ALPK1: variants seen among roughly 807,000 people sequenced by gnomAD.
ALPK1 encodes alpha kinase 1, also known as alpha-protein kinase 1.
A neutral mutation model predicts 120.6 loss-of-function variants in ALPK1; 110 were observed. The observed-to-expected ratio is 0.91, with a 90% CI of 0.78 to 1.07. The LOEUF is 1.07. Among genes scored for constraint, ALPK1 ranks in the 50% least tolerant of loss-of-function variants. The probability of loss-of-function intolerance (pLI) is 0.00; values close to 1 mark genes in which losing one functional copy is unlikely to be tolerated. For missense variants in ALPK1, 1,498 were observed against 1,483.9 expected, an observed-to-expected ratio of 1.01 and a Z score of -0.16; for synonymous variants, 582 against 560.3, an observed-to-expected ratio of 1.04 and a Z score of -0.55.
intron 2 of ALPK1, among the ~76,000 whole-genome samples, chr4:112,338,245 C>T (rs1043168818): frequency 1.3e-5 from 2 of 152,176 alleles, no homozygotes; most frequent in African/African-American, 2.4e-5. Flanking sequence ...AGAATTCAGG[C>T]GTGAGCCACC....
chr4:112,331,532 T>C (rs1014883322), intron 2 of ALPK1, among the ~76,000 whole-genome samples: 2 of 152,210 alleles, frequency 1.3e-5, no homozygotes, highest in Non-Finnish European at 2.9e-5. Flanking sequence ...CCACTCAAAG[T>C]CTGTTTATTG....
chr4:112,299,836 T>C (rs1450217672), intron 1 of ALPK1, among the ~76,000 whole-genome samples: 1 of 152,176 alleles, frequency 6.6e-6, no homozygotes. Context: ...CCAATACTTT[T>C]TCAAATAAGA....
chr4:112,401,086 C>T (rs1040359756), intron 4 of ALPK1, among the ~76,000 whole-genome samples: 4 of 152,152 alleles, frequency 2.6e-5, no homozygotes, highest in African/African-American at 9.7e-5. Context: ...TTTAACTGGT[C>T]TGGGCTGCCA....
At chr4:112,310,210 G>A (rs1728331328) in intron 1 of ALPK1, among the ~76,000 whole-genome samples, 1 of 151,964 alleles carries the variant, frequency 6.6e-6, no homozygotes, top group Non-Finnish European at 1.5e-5. Flanking sequence ...TTCCCCATGG[G>A]TTAAATTGAA....
chr4:112,399,138 T>C (rs1215343467), intron 4 of ALPK1, among the ~76,000 whole-genome samples: 1 of 152,110 alleles, frequency 6.6e-6, no homozygotes, highest in African/African-American at 2.4e-5. Context: ...AGTGTTGATA[T>C]TTAAGGCCAT....
chr4:112,357,960 C>A, intron 2 of ALPK1: 1 of 746,870 alleles, frequency 1.3e-6, no homozygotes. Flanking sequence ...CCCCCGGGGT[C>A]TACCGGCGCC....
chr4:112,384,665 G>A (rs1001570898), intron 4 of ALPK1: 1 of 152,196 alleles, frequency 6.6e-6, no homozygotes, highest in Admixed American at 6.5e-5. Context: ...ATCAGCATTA[G>A]AGAAGCCCTC....
chr4:112,317,996 T>C (rs17627742), intron 2 of ALPK1, among the ~76,000 whole-genome samples: 3,284 of 152,294 alleles, frequency 0.022, 150 homozygotes, highest in East Asian at 0.19. Flanking sequence ...GTACTTTAGA[T>C]ACTATCGTCA....
At chr4:112,356,665 A>G in intron 2 of ALPK1, 2 of 894,408 alleles carry the variant, frequency 2.2e-6, no homozygotes, top group Non-Finnish European at 1.9e-6. Context: ...ACAATGTAGA[A>G]GAGAAAAGCC....
rs1731960536 is a variant in ALPK1 at position 112,382,382 on chromosome 4, A to G, written c.122-16A>G. 6.2e-7 allele frequency: 1 copy of G among 1,609,990 alleles called. No individual in the cohort carries two copies. The highest frequency in any genetic ancestry group is 8.5e-7 in the Non-Finnish European group (1 of 1,179,344). ...CTTTGACTGCAATTTCCTTACCTGA[A>G]CTCTGACCTTTTCAGCTTTACTCCC... On this transcript the variant is annotated splice_polypyrimidine_tract_variant and intron_variant, in intron 3 of 15. Coordinates refer to ENST00000650871, the MANE Select transcript of ALPK1 (RefSeq NM_025144.4).
At chr4:112,355,358 C>T (rs1478571326) in intron 2 of ALPK1, among the ~76,000 whole-genome samples, 1 of 152,094 alleles carries the variant, frequency 6.6e-6, no homozygotes, top group East Asian at 1.9e-4. Context: ...TCAGGGAGGC[C>T]CACCCGGGCC....
At chr4:112,329,801 A>G (rs1475864562) in intron 2 of ALPK1, among the ~76,000 whole-genome samples, 1 of 152,248 alleles carries the variant, frequency 6.6e-6, no homozygotes, top group Non-Finnish European at 1.5e-5. Context: ...GGTCAAGGAC[A>G]TGAAGACACA....
intron 6 of ALPK1, among the ~76,000 whole-genome samples, chr4:112,424,380 C>T (rs572486812): frequency 2.0e-5 from 3 of 152,146 alleles, no homozygotes; most frequent in Admixed American, 6.5e-5. Flanking sequence ...GAGTCTGCTT[C>T]GGCTTTATCA....
chr4:112,406,748 C>T (rs1337236602), intron 4 of ALPK1, among the ~76,000 whole-genome samples: 5 of 151,992 alleles, frequency 3.3e-5, no homozygotes, highest in Admixed American at 3.3e-4. Context: ...TAAAAAAATT[C>T]TCTGTCCTAT....
chr4:112,388,890 G>A (rs1732273503), intron 4 of ALPK1, among the ~76,000 whole-genome samples: 1 of 152,088 alleles, frequency 6.6e-6, no homozygotes, highest in African/African-American at 2.4e-5. Context: ...AAGCTATGAC[G>A]ACAACCCTTA....
At chr4:112,334,078 T>C (rs1729507546) in intron 2 of ALPK1, among the ~76,000 whole-genome samples, 1 of 152,148 alleles carries the variant, frequency 6.6e-6, no homozygotes, top group African/African-American at 2.4e-5. Context: ...CTCATCAAGA[T>C]ACAGAACAAA....
intron 2 of ALPK1, among the ~76,000 whole-genome samples, chr4:112,323,495 A>G (rs1318161595): frequency 6.6e-6 from 1 of 152,178 alleles, no homozygotes; most frequent in Non-Finnish European, 1.5e-5. Flanking sequence ...ATTTTGGTTA[A>G]TTTGCATTAT....
intron 10 of ALPK1, 134 bp downstream of exon 10, chr4:112,429,387 T>G (rs1734424865): frequency 1.5e-6 from 1 of 677,436 alleles, no homozygotes. Flanking sequence ...GTGATAAGAC[T>G]CCACACCACA....
At chr4:112,398,515 T>C (rs1418306051) in intron 4 of ALPK1, among the ~76,000 whole-genome samples, 2 of 152,200 alleles carry the variant, frequency 1.3e-5, no homozygotes, top group African/African-American at 4.8e-5. Flanking sequence ...CCCAGGCTTC[T>C]TTCAAGCTCC....
Sources: allele counts gnomAD v4.1 joint callset (sites outside exome capture counted in the v4.1 genomes callset), GRCh38; gene constraint gnomAD v4.1.1; transcripts MANE v1.5; gene names NCBI Gene and HGNC (gene_info 2026-07-23, HGNC 2026-07-21).